Variants in PSPC1 observed in about 807,000 individuals in gnomAD.
The protein encoded by PSPC1 is paraspeckle component 1.
In PSPC1, 14 loss-of-function variants were observed where a neutral mutation model predicts 51.6. The observed-to-expected ratio is 0.27, with a 90% CI of 0.18 to 0.42. The LOEUF is 0.42. Ranked by LOEUF, PSPC1 falls within the 10% of genes least tolerant of loss-of-function variation. The probability of loss-of-function intolerance (pLI) is 1.00; values close to 1 mark genes in which losing one functional copy is unlikely to be tolerated. For missense variants in PSPC1, 406 were observed against 701.1 expected, an observed-to-expected ratio of 0.58 and a Z score of 4.75; for synonymous variants, 193 against 231.9, an observed-to-expected ratio of 0.83 and a Z score of 1.53.
chr13:19,719,056 T>C (rs1882459107), intron 6 of PSPC1, among the ~76,000 whole-genome samples: 1 of 150,674 alleles, frequency 6.6e-6, no homozygotes, highest in Non-Finnish European at 1.5e-5. Flanking sequence ...GTCATAGATT[T>C]GTCAAAACCC....
intron 2 of PSPC1, among the ~76,000 whole-genome samples, chr13:19,765,825 AAGT>A (rs1888018508): frequency 6.6e-6 from 1 of 152,148 alleles, no homozygotes; most frequent in Admixed American, 6.6e-5. Context: ...CTAAAAAGTT[AAGT>A]AGCAATTTAT....
At chr13:19,723,435 T>C (rs1324254948) in intron 6 of PSPC1, among the ~76,000 whole-genome samples, 1 of 152,192 alleles carries the variant, frequency 6.6e-6, no homozygotes, top group Non-Finnish European at 1.5e-5. Flanking sequence ...TCATAGCATA[T>C]GATTAGGCTA....
downstream of PSPC1, chr13:19,699,500 G>C (rs1004997722): frequency 6.6e-6 from 1 of 151,886 alleles, no homozygotes; most frequent in Non-Finnish European, 1.5e-5. Context: ...AAATGATCTT[G>C]TAAAGTATAA....
At chr13:19,694,078 G>C (rs1196538885) in intron 6 of PSPC1, among the ~76,000 whole-genome samples, 3 of 119,168 alleles carry the variant, frequency 2.5e-5, no homozygotes, top group Non-Finnish European at 4.8e-5. Context: ...AGCCGAGATC[G>C]CACCACTGCA....
intron 6 of PSPC1, among the ~76,000 whole-genome samples, chr13:19,721,553 C>A (rs756159196): frequency 6.6e-6 from 1 of 152,102 alleles, no homozygotes; most frequent in Non-Finnish European, 1.5e-5. Context: ...CACAAAAGTA[C>A]CAAGACTATT....
At chr13:19,780,165 C>A (rs1488351679) in intron 1 of PSPC1, among the ~76,000 whole-genome samples, 1 of 88,724 alleles carries the variant, frequency 1.1e-5, no homozygotes, top group South Asian at 6.0e-4. Flanking sequence ...CCCGGCCAGC[C>A]GCCCCGTCCG....
intron 6 of PSPC1, among the ~76,000 whole-genome samples, chr13:19,690,238 A>G (rs1055145019): frequency 3.3e-5 from 5 of 152,230 alleles, no homozygotes; most frequent in Non-Finnish European, 7.3e-5. Flanking sequence ...CTGTCATCTT[A>G]AAGTTCAATT....
intron 7 of PSPC1, among the ~76,000 whole-genome samples, chr13:19,706,983 T>C (rs1880759161): frequency 6.6e-6 from 1 of 152,144 alleles, no homozygotes; most frequent in Non-Finnish European, 1.5e-5. Context: ...ACCAAGAATA[T>C]TTCCGCTCCC....
intron 5 of PSPC1, 132 bp from the exon 6 acceptor site, chr13:19,730,476 T>C: frequency 1.3e-6 from 1 of 743,724 alleles, no homozygotes; most frequent in South Asian, 1.8e-5. Flanking sequence ...GACCACGGCA[T>C]CCTAAATTTA....
intron 7 of PSPC1, chr13:19,675,197 T>C (rs1876504721): frequency 6.6e-6 from 1 of 152,536 alleles, no homozygotes; most frequent in African/African-American, 2.4e-5. Context: ...CTCCCAACAG[T>C]GCCAGTTTTC....
intron 6 of PSPC1, among the ~76,000 whole-genome samples, chr13:19,682,199 A>G (rs1180280895): frequency 6.6e-6 from 1 of 152,236 alleles, no homozygotes; most frequent in Non-Finnish European, 1.5e-5. Context: ...TTGGACAACT[A>G]GATGATGTTT....
chr13:19,767,607 G>T (rs1888198174), intron 2 of PSPC1, among the ~76,000 whole-genome samples: 1 of 151,952 alleles, frequency 6.6e-6, no homozygotes, highest in Non-Finnish European at 1.5e-5. Context: ...TACAATTTTG[G>T]AACTGACAAA....
chr13:19,765,712 A>G (rs1888010719), intron 2 of PSPC1, among the ~76,000 whole-genome samples: 1 of 151,982 alleles, frequency 6.6e-6, no homozygotes, highest in Admixed American at 6.6e-5. Context: ...ATAACTACAA[A>G]TAACAAATAA....
intron 2 of PSPC1, among the ~76,000 whole-genome samples, chr13:19,769,806 G>A (rs1413087758): frequency 6.6e-6 from 1 of 152,088 alleles, no homozygotes; most frequent in Non-Finnish European, 1.5e-5. Flanking sequence ...TGGGTAAAAT[G>A]TGGAGTAACT....
At chr13:19,697,614 G>C (rs1218696063), downstream of PSPC1, among the ~76,000 whole-genome samples, 1 of 151,938 alleles carries the variant, frequency 6.6e-6, no homozygotes, top group Non-Finnish European at 1.5e-5. Context: ...TTCAAGTCTG[G>C]GAACATATTT....
At chr13:19,706,225 C>T (rs201332904) in intron 7 of PSPC1, among the ~76,000 whole-genome samples, 46 of 149,118 alleles carry the variant, frequency 3.1e-4, no homozygotes, top group Admixed American at 6.7e-4. Context: ...TAATTTTTTT[C>T]AACCCATGGC....
At chr13:19,677,098 T>G (rs1398457269) in intron 7 of PSPC1, among the ~76,000 whole-genome samples, 3 of 152,032 alleles carry the variant, frequency 2.0e-5, no homozygotes, top group Non-Finnish European at 4.4e-5. Flanking sequence ...CCGGGCATGG[T>G]GGCAGGCGCC....
chr13:19,774,660 C>T (rs969797668), intron 1 of PSPC1, among the ~76,000 whole-genome samples: 2 of 151,560 alleles, frequency 1.3e-5, no homozygotes, highest in Admixed American at 6.6e-5. Context: ...AAAAATTAGC[C>T]GGGGCATGGT....
chr13:19,770,658 C>T (rs1468146059), intron 2 of PSPC1, among the ~76,000 whole-genome samples: 2 of 152,048 alleles, frequency 1.3e-5, no homozygotes, highest in Non-Finnish European at 2.9e-5. Flanking sequence ...CACAGTGGTT[C>T]ACGCTTGTAA....
Sources: allele counts gnomAD v4.1 joint callset (sites outside exome capture counted in the v4.1 genomes callset), GRCh38; gene constraint gnomAD v4.1.1; transcripts MANE v1.5; gene names NCBI Gene and HGNC (gene_info 2026-07-23, HGNC 2026-07-21).